Variants in ATP10B observed in about 807,000 individuals in gnomAD.
The protein encoded by ATP10B is phospholipid-transporting ATPase VB.
Under a neutral mutation model 141.2 loss-of-function variants are expected in ATP10B, and 122 were observed. The ratio of observed to expected loss-of-function variants is 0.86; its 90% CI spans 0.75 to 1.00. ATP10B has a LOEUF of 1.00. ATP10B is among the 50% of genes least tolerant of loss of function. The pLI is 0.00. For synonymous variants in ATP10B, 685 were observed against 692.0 expected (o/e 0.99, Z 0.16); for missense variants, 1,876 against 1,825.3 (o/e 1.03, Z -0.51).
At position 160,565,751 on chromosome 5, in the gene ATP10B, C is replaced by T. The variant is rs201198884; in HGVS notation, c.4088G>A (p.Arg1363Gln). Residue 1363 changes from arginine to glutamine, a missense_variant, in exon 26 of 26, where the codon CGA becomes CAA. By Grantham distance (43) the Arg-to-Gln change is conservative. Coordinates refer to ENST00000327245, the MANE Select transcript of ATP10B (RefSeq NM_025153.3). ...AGATGACACTGGGTGGTGAGTTGGT[C>T]GAGCCACTTCGGGGACAGGGGCAGG... Reference protein sequence around the residue: ...QRPAPVPEVARPTHHPVSSIT... With the variant: ...QRPAPVPEVAQPTHHPVSSIT... 1.6e-4 allele frequency: 256 copies of T among 1,612,868 alleles called. No individual in the cohort carries two copies. The highest frequency in any genetic ancestry group is 1.1e-3 in the Admixed American group (67 of 59,788).
chr5:160,599,016 C>T (rs371345553), intron 21 of ATP10B, 46 bp from the exon 22 acceptor site: 14 of 1,590,998 alleles, frequency 8.8e-6, no homozygotes, highest in Non-Finnish European at 1.1e-5. Context: ...CCATGTGCAG[C>T]CGGTCACCAG....
At chr5:160,583,367 C>T (rs1451441880) in intron 24 of ATP10B, among the ~76,000 whole-genome samples, 1 of 152,158 alleles carries the variant, frequency 6.6e-6, no homozygotes, top group African/African-American at 2.4e-5. Flanking sequence ...AGGTCCACTC[C>T]AGACCCTGTT....
chr5:160,802,454 G>A (rs1049618840), intron 1 of ATP10B, among the ~76,000 whole-genome samples: 3 of 152,146 alleles, frequency 2.0e-5, no homozygotes, highest in African/African-American at 4.8e-5. Flanking sequence ...TTTGGTTGTC[G>A]CACCTGGGGA....
intron 2 of ATP10B, among the ~76,000 whole-genome samples, chr5:160,777,623 T>C (rs2127872445): frequency 6.6e-6 from 1 of 152,328 alleles, no homozygotes; most frequent in Admixed American, 6.5e-5. Flanking sequence ...TGGCTATATG[T>C]TCCTGTTATT....
chr5:160,670,487 A>C lies in ATP10B; in HGVS notation c.651T>G (p.Cys217Trp). 6.2e-7 allele frequency: 1 copy of C among 1,613,952 alleles called. No individual in the cohort carries two copies. Among genetic ancestry groups the C allele is most frequent in the Non-Finnish European group, 8.5e-7 (1 of 1,179,996 alleles). The change falls in exon 7 of 26, where the codon TGT (cysteine) becomes TGG (tryptophan). Residue 217 changes from cysteine (C) to tryptophan (W), a missense_variant. Coordinates refer to ENST00000327245, the MANE Select transcript of ATP10B (RefSeq NM_025153.3). ...CCTGCTGTGAGAAGCCCTTCACGAC[A>C]CATCTTTGCTTGAGGTTTGTCTCTC... is the stretch of plus-strand genomic sequence containing the variant. ...LDGETNLKQR[C>W]VVKGFSQQEV...
chr5:160,834,239 C>T (rs530653779), intron 1 of ATP10B, among the ~76,000 whole-genome samples: 16 of 152,090 alleles, frequency 1.1e-4, no homozygotes, highest in Middle Eastern at 3.4e-3. Flanking sequence ...GCATGAGAAT[C>T]GCTTGAACCT....
chr5:160,928,714 A>G, the ATP10B span, among the ~76,000 whole-genome samples: 3 of 152,134 alleles, frequency 2.0e-5, no homozygotes, highest in East Asian at 5.8e-4. Context: ...AAAAATCCCA[A>G]CTCTCTCCCT....
intron 1 of ATP10B, among the ~76,000 whole-genome samples, chr5:160,819,507 G>T (rs577229842): frequency 6.6e-6 from 1 of 152,138 alleles, no homozygotes; most frequent in Non-Finnish European, 1.5e-5. Context: ...ACTGGTTATG[G>T]TAAGTACACA....
chr5:160,884,873 T>C, the ATP10B span, among the ~76,000 whole-genome samples: 3 of 152,194 alleles, frequency 2.0e-5, no homozygotes, highest in Admixed American at 2.0e-4. Flanking sequence ...CAAAGCACTC[T>C]ACTGGATGTT....
chr5:160,897,401 GACAA>G, the ATP10B span, among the ~76,000 whole-genome samples: 26 of 152,202 alleles, frequency 1.7e-4, no homozygotes, highest in Admixed American at 5.9e-4. Context: ...ACCAATAACA[GACAA>G]ACAGAGAGCC....
chr5:160,787,450 T>TC (rs999548504), intron 1 of ATP10B, among the ~76,000 whole-genome samples: 2 of 152,164 alleles, frequency 1.3e-5, no homozygotes, highest in Non-Finnish European at 2.9e-5. Context: ...CACCTTGCCC[T>TC]CCAGTGGCCG....
At chr5:160,577,325 G>A (rs1264821863) in intron 24 of ATP10B, among the ~76,000 whole-genome samples, 1 of 152,030 alleles carries the variant, frequency 6.6e-6, no homozygotes, top group Non-Finnish European at 1.5e-5. Flanking sequence ...ACATCATTTG[G>A]TCACAGGGCA....
At chr5:160,660,227 A>G (rs1670282416) in intron 7 of ATP10B, among the ~76,000 whole-genome samples, 1 of 152,212 alleles carries the variant, frequency 6.6e-6, no homozygotes, top group Non-Finnish European at 1.5e-5. Context: ...AGAAATAATA[A>G]TCAACCCAAT....
Position 160,643,784 on chromosome 5 carries a change from T to C in ATP10B, c.868+354A>G, listed in dbSNP as rs549132081. 2.0e-5 allele frequency among the ~76,000 whole-genome samples: 3 copies of C among 152,274 alleles called. No individual in the cohort carries two copies. In the South Asian group the frequency reaches 6.2e-4, roughly 32 times the overall value. ...CTCCCCACTGTACAAATGAGGAAAT[T>C]GAGGCTCCAAAGGGGAAGTTGTTAA... is the stretch of plus-strand genomic sequence containing the variant. On this transcript the variant is annotated intron_variant, in intron 9 of 25. Coordinates refer to ENST00000327245, the MANE Select transcript of ATP10B (RefSeq NM_025153.3).
At position 160,643,845 on chromosome 5, in the gene ATP10B, C is replaced by A. The variant is rs566184983; in HGVS notation, c.868+293G>T. ...GTTATTCCACAGGCTTAAGAAGATA[C>A]ACTTCATTCTGGCTTTAGTTAGTAG... On this transcript the variant is annotated intron_variant, in intron 9 of 25. Coordinates refer to ENST00000327245, the MANE Select transcript of ATP10B (RefSeq NM_025153.3). Among the ~76,000 whole-genome samples the A allele has an allele frequency of 1.2e-4, 18 of 152,276 alleles. 1 individual carries two copies. The highest frequency in any genetic ancestry group is 7.7e-4 in the East Asian group (4 of 5,186).
intron 2 of ATP10B, among the ~76,000 whole-genome samples, chr5:160,764,225 A>G (rs1769244144): frequency 6.6e-6 from 1 of 151,208 alleles, no homozygotes; most frequent in South Asian, 2.1e-4. Flanking sequence ...GTATTACCCT[A>G]ATCCCAAAAC....
intron 7 of ATP10B, among the ~76,000 whole-genome samples, chr5:160,656,735 G>A (rs1761526165): frequency 1.3e-5 from 2 of 151,810 alleles, no homozygotes; most frequent in South Asian, 2.1e-4. Context: ...TAGGCATAAA[G>A]TTCTTACAGG....
chr5:160,783,450 T>TG (rs1561848765), intron 2 of ATP10B, among the ~76,000 whole-genome samples: 6 of 106,428 alleles, frequency 5.6e-5, no homozygotes, highest in African/African-American at 1.9e-4. Context: ...CCATCACATA[T>TG]ATATATATAT....
intron 12 of ATP10B, chr5:160,634,104 G>A (rs1002126290): frequency 4.9e-6 from 3 of 609,108 alleles, no homozygotes; most frequent in Admixed American, 5.0e-5. Flanking sequence ...TCTGGCACCA[G>A]ACAAAGATCA....
Sources: allele counts gnomAD v4.1 joint callset (sites outside exome capture counted in the v4.1 genomes callset), GRCh38; gene constraint gnomAD v4.1.1; transcripts MANE v1.5; gene names NCBI Gene and HGNC (gene_info 2026-07-23, HGNC 2026-07-21).